The following SCP2 variants were observed in gnomAD, a reference collection of about 807,000 sequenced individuals.
The protein encoded by SCP2 is SCP-2/3-oxoacyl-CoA thiolase.
A neutral mutation model predicts 71.4 loss-of-function variants in SCP2; 48 were observed. The observed-to-expected ratio is 0.67, with a 90% CI of 0.53 to 0.86. The LOEUF (loss-of-function observed/expected upper bound fraction) is 0.86. SCP2 is among the 40% of genes least tolerant of loss of function. SCP2 has a pLI of 0.00. For synonymous variants in SCP2, 220 were observed against 218.1 expected (o/e 1.01, Z -0.08); for missense variants, 560 against 655.6 (o/e 0.85, Z 1.59).
rs58091659 is a variant in SCP2, at chr1:52,963,045, G to GA, written c.523+1430dup. Among the ~76,000 whole-genome samples the GA allele has an allele frequency of 9.9e-3, 1,104 of 111,468 alleles. 12 individuals are homozygous for GA. The highest frequency in any genetic ancestry group is 0.026 in the African/African-American group (798 of 30,356). The allele number at this position is 111,468 out of a possible 152,430, so 73.1% of individuals were successfully genotyped here. A position where few individuals can be genotyped will look rare whatever the true frequency, so the allele number is the denominator to read the frequency against. ...GTACCTGGCTAAACCAAGGATAAAA[G>GA]AAAAAAAAAAAAAAGAATAGTGCCT... is the stretch of plus-strand genomic sequence containing the variant. On this transcript the variant is annotated intron_variant, in intron 6 of 15. Coordinates refer to ENST00000371514, the MANE Select transcript of SCP2 (RefSeq NM_002979.5).
intron 11 of SCP2, chr1:52,994,923 G>A: frequency 1.9e-6 from 1 of 521,694 alleles, no homozygotes; most frequent in South Asian, 1.5e-5. Flanking sequence ...CTAACCTGGT[G>A]GATCTAGAAC....
At chr1:52,977,829 G>A (rs930173881) in intron 8 of SCP2, among the ~76,000 whole-genome samples, 1 of 152,084 alleles carries the variant, frequency 6.6e-6, no homozygotes, top group Non-Finnish European at 1.5e-5. Flanking sequence ...GCGTGGTAGC[G>A]CATGCCTGTA....
rs144132787 is a variant in SCP2, at chr1:52,978,368, G to T, written c.825+1G>T. 115 of 1,610,108 alleles carry T rather than the reference G, an allele frequency of 7.1e-5. No homozygotes were observed. Among genetic ancestry groups the T allele is most frequent in the Non-Finnish European group, 7.2e-5 (85 of 1,176,560 alleles). ...TGAAGAAAAAAGCATTATTAAAATG[G>T]TATGTCTGAGATTCTATTTGTTATT... On this transcript the variant is annotated splice_donor_variant, in intron 9 of 15. Transcript: ENST00000371514. LOFTEE classifies it high-confidence loss of function.
At chr1:53,008,106 A>T (rs1011490464) in intron 11 of SCP2, among the ~76,000 whole-genome samples, 1 of 152,220 alleles carries the variant, frequency 6.6e-6, no homozygotes, top group Non-Finnish European at 1.5e-5. Flanking sequence ...GAATAGACCA[A>T]TAACAGGCTT....
At chr1:52,985,759 C>T (rs72901310) in intron 10 of SCP2, among the ~76,000 whole-genome samples, 2,543 of 152,208 alleles carry the variant, frequency 0.017, 52 homozygotes, top group African/African-American at 0.059. Context: ...ACTGGAAGCT[C>T]GCTCCTGTTT....
At chr1:52,966,295 GTT>G (rs58027924) in intron 6 of SCP2, among the ~76,000 whole-genome samples, 2 of 145,646 alleles carry the variant, frequency 1.4e-5, no homozygotes, top group African/African-American at 2.5e-5. Flanking sequence ...ATTTTCTTGA[GTT>G]TTTTTTTTTC....
chr1:53,042,257 A>G (rs1356119719), intron 14 of SCP2, among the ~76,000 whole-genome samples: 1 of 151,582 alleles, frequency 6.6e-6, no homozygotes, highest in Admixed American at 6.6e-5. Context: ...CAGGAATTAT[A>G]GTAGTGATCT....
chr1:53,038,164 C>A (rs1329793027), intron 13 of SCP2, among the ~76,000 whole-genome samples: 1 of 148,394 alleles, frequency 6.7e-6, no homozygotes, highest in Non-Finnish European at 1.5e-5. Context: ...AGAAAAAAAA[C>A]CTATATGTGT....
At chr1:53,014,291 A>C (rs1350148390) in intron 11 of SCP2, among the ~76,000 whole-genome samples, 1 of 152,162 alleles carries the variant, frequency 6.6e-6, no homozygotes, top group African/African-American at 2.4e-5. Context: ...CATGGGTTCT[A>C]ACCTTACCTC....
At chr1:52,947,131 C>T (rs969492099) in intron 2 of SCP2, among the ~76,000 whole-genome samples, 1 of 150,166 alleles carries the variant, frequency 6.7e-6, no homozygotes, top group Non-Finnish European at 1.5e-5. Flanking sequence ...TCTCTTATCC[C>T]CTCACTTTGG....
chr1:52,995,498 A>C, intron 11 of SCP2: 1 of 437,800 alleles, frequency 2.3e-6, no homozygotes, highest in Non-Finnish European at 4.6e-6. Context: ...CCCTTACCAC[A>C]TCTCCACTAC....
At chr1:53,014,868 T>C in intron 11 of SCP2, 22 bp from the exon 12 acceptor site, 1 of 1,611,900 alleles carries the variant, frequency 6.2e-7, no homozygotes, top group East Asian at 2.2e-5. Flanking sequence ...AGCAGCTCAG[T>C]GCTCTGTGTT....
At chr1:52,943,957 T>A (rs1354538868) in intron 2 of SCP2, 2 of 290,976 alleles carry the variant, frequency 6.9e-6, no homozygotes, top group Admixed American at 8.5e-5. Context: ...TTACTTACCC[T>A]CCTTCTTTGG....
chr1:52,969,833 A>AAACC (rs1657303187), intron 6 of SCP2, among the ~76,000 whole-genome samples: 2 of 152,180 alleles, frequency 1.3e-5, no homozygotes, highest in Admixed American at 1.3e-4. Context: ...ACAAACAAAC[A>AAACC]AACAAACAAA....
Position 53,011,542 on chromosome 1 carries a change from A to G in SCP2, c.1082-3348A>G, listed in dbSNP as rs539522119. 3.3e-5 allele frequency among the ~76,000 whole-genome samples: 5 copies of G among 152,316 alleles called. 1 individual carries two copies. The highest frequency in any genetic ancestry group is 1.2e-4 in the African/African-American group (5 of 41,568). On this transcript the variant is annotated intron_variant, in intron 11 of 15. Transcript: ENST00000371514. ...AGTCCTAGGTCAGTTACTTTCATGT[A>G]AAAAGGTTGACCAACATCTTGTTAG... is the stretch of plus-strand genomic sequence containing the variant.
At chr1:53,048,282 G>C (rs1663965573) in intron 15 of SCP2, 1 of 345,570 alleles carries the variant, frequency 2.9e-6, no homozygotes, top group African/African-American at 2.1e-5. Context: ...CACCACAGAG[G>C]AAGCAGCTCT....
intron 15 of SCP2, chr1:53,048,243 G>A (rs1456998958): frequency 1.1e-5 from 4 of 376,400 alleles, no homozygotes; most frequent in Non-Finnish European, 2.1e-5. Flanking sequence ...GGCAGGAGCA[G>A]CCATATCTCT....
chr1:53,045,212 C>G lies in SCP2; in HGVS notation c.1469-2646C>G, dbSNP rs767726936. On this transcript the variant is annotated intron_variant, in intron 14 of 15. Transcript: ENST00000371514. ...ACTCCAGAAGCCTCCCTCCTGCCCC[C>G]CTGCTATCACTATTCACTCCCAAAA... is the stretch of plus-strand genomic sequence containing the variant. Among the ~76,000 whole-genome samples, 62 of 152,338 alleles carry G rather than the reference C, an allele frequency of 4.1e-4. 1 individual carries two copies. Among genetic ancestry groups the G allele is most frequent in the Middle Eastern group, 6.8e-3 (2 of 294 alleles).
intron 10 of SCP2, among the ~76,000 whole-genome samples, chr1:52,981,198 C>A (rs541073667): frequency 6.6e-6 from 1 of 152,308 alleles, no homozygotes; most frequent in East Asian, 1.9e-4. Flanking sequence ...TCCTAAAGTG[C>A]TGGAATTATA....
Sources: allele counts gnomAD v4.1 joint callset (sites outside exome capture counted in the v4.1 genomes callset), GRCh38; gene constraint gnomAD v4.1.1; transcripts MANE v1.5; gene names NCBI Gene and HGNC (gene_info 2026-07-23, HGNC 2026-07-21).